Variants in LDLRAD4 observed in about 807,000 individuals in gnomAD.
LDLRAD4 encodes the protein low density lipoprotein receptor class A domain containing 4.
Under a neutral mutation model 17.0 loss-of-function variants are expected in LDLRAD4, and 5 were observed. That is an observed-to-expected ratio of 0.29 (90% confidence interval 0.15 to 0.62). LDLRAD4 has a LOEUF of 0.62. Among genes scored for constraint, LDLRAD4 ranks in the 20% least tolerant of loss-of-function variants. LDLRAD4 has a pLI of 0.84. For missense variants in LDLRAD4, 340 were observed against 424.7 expected (o/e 0.80, Z 1.75); for synonymous variants, 168 against 171.8 (o/e 0.98, Z 0.17).
intron 3 of LDLRAD4, among the ~76,000 whole-genome samples, chr18:13,447,010 G>C (rs2091452954): frequency 6.6e-6 from 1 of 152,192 alleles, no homozygotes; most frequent in South Asian, 2.1e-4. Flanking sequence ...AGCGAGGCTG[G>C]GGTGAGGGGC....
intron 1 of LDLRAD4, among the ~76,000 whole-genome samples, chr18:13,319,553 A>G (rs1039780916): frequency 2.6e-5 from 4 of 152,154 alleles, no homozygotes; most frequent in Non-Finnish European, 5.9e-5. Context: ...CTCTCTCTAA[A>G]AGTTATCACT....
At chr18:13,618,496 G>A (rs1219976652) in intron 3 of LDLRAD4, among the ~76,000 whole-genome samples, 1 of 152,194 alleles carries the variant, frequency 6.6e-6, no homozygotes, top group Non-Finnish European at 1.5e-5. Context: ...GATTTGCTTT[G>A]CTGCAAATGC....
At chr18:13,572,320 G>A (rs1417025510) in intron 3 of LDLRAD4, among the ~76,000 whole-genome samples, 1 of 152,234 alleles carries the variant, frequency 6.6e-6, no homozygotes, top group African/African-American at 2.4e-5. Context: ...CCCCTTTGCA[G>A]CCGGCTGTCC....
At chr18:13,221,895 C>T (rs141080939) in intron 1 of LDLRAD4, among the ~76,000 whole-genome samples, 3 of 152,230 alleles carry the variant, frequency 2.0e-5, no homozygotes, top group Non-Finnish European at 4.4e-5. Context: ...CGAGCTTTCC[C>T]GGACAAAAAT....
chr18:13,326,642 G>A (rs540135545), intron 1 of LDLRAD4, among the ~76,000 whole-genome samples: 19 of 152,314 alleles, frequency 1.2e-4, no homozygotes, highest in Admixed American at 1.1e-3. Flanking sequence ...GACCCCTGAG[G>A]CTTTCACTTT....
chr18:13,573,475 G>A (rs1463795438), intron 3 of LDLRAD4, among the ~76,000 whole-genome samples: 1 of 152,136 alleles, frequency 6.6e-6, no homozygotes, highest in Non-Finnish European at 1.5e-5. Context: ...CCTGGCCTCA[G>A]GTGATCTGCC....
At chr18:13,250,511 A>G (rs1025545799) in intron 1 of LDLRAD4, among the ~76,000 whole-genome samples, 1 of 152,308 alleles carries the variant, frequency 6.6e-6, no homozygotes, top group East Asian at 1.9e-4. Context: ...AAAAGAGAAA[A>G]ATACCCAAAT....
rs76819996 is a variant in LDLRAD4, at chr18:13,267,671, T to C, written c.-466-10434T>C. ...ACCCAGCTACTTCATTTGTTCATTC[T>C]CATCTTTTGCTTTTCTGGAAGGTTT... On this transcript the variant is annotated intron_variant, in intron 1 of 5. Coordinates refer to the LDLRAD4 transcript ENST00000399848. Among the ~76,000 whole-genome samples the C allele has an allele frequency of 6.9e-4, 105 of 152,370 alleles. 1 individual carries two copies. The highest frequency in any genetic ancestry group is 2.5e-3 in the African/African-American group (103 of 41,590).
Position 13,300,701 on chromosome 18 carries a change from A to T in LDLRAD4, c.-383+22513A>T, listed in dbSNP as rs780104650. Among the ~76,000 whole-genome samples the T allele has an allele frequency of 9.6e-4, 146 of 152,262 alleles. 1 individual carries two copies. Among genetic ancestry groups the T allele is most frequent in the Non-Finnish European group, 1.8e-3 (121 of 68,000 alleles). ...CCAAGAATTTCTTGGTGGCGTTCAC[A>T]CTAAGAAGTGTCAGAGTGGGCAGAG... On this transcript the variant is annotated intron_variant, in intron 1 of 5. Transcript: ENST00000359446. This position sits in a 1 kb window ranked among gnomAD's most constrained non-coding sequence, Gnocchi z 4.2.
At chr18:13,590,145 G>A (rs563650730) in intron 3 of LDLRAD4, among the ~76,000 whole-genome samples, 164 of 151,742 alleles carry the variant, frequency 1.1e-3, no homozygotes, top group Middle Eastern at 3.4e-3. Flanking sequence ...GTGGGTGTGC[G>A]TGGGTGTGGG....
Position 13,352,326 on chromosome 18 carries a change from C to T in LDLRAD4, c.-382-35015C>T, listed in dbSNP as rs117379293. ...ATAGGAATAGAGGACGTCAAATTGT[C>T]TCATTTTTAGTTCAAGTTTTGGAAC... On this transcript the variant is annotated intron_variant, in intron 1 of 5. Coordinates refer to ENST00000359446, the Ensembl canonical transcript of LDLRAD4. Among the ~76,000 whole-genome samples, 878 of 152,260 alleles carry T rather than the reference C, an allele frequency of 5.8e-3. 4 individuals carry two copies. The highest frequency in any genetic ancestry group is 0.01 in the Admixed American group (159 of 15,294).
intron 1 of LDLRAD4, among the ~76,000 whole-genome samples, chr18:13,346,182 T>C (rs1312313123): frequency 6.6e-6 from 1 of 152,256 alleles, no homozygotes; most frequent in African/African-American, 2.4e-5. Flanking sequence ...TGGGTGTCAA[T>C]TTTAGATCTT....
intron 3 of LDLRAD4, among the ~76,000 whole-genome samples, chr18:13,529,353 A>G (rs1048648663): frequency 6.6e-6 from 1 of 152,242 alleles, no homozygotes; most frequent in Admixed American, 6.5e-5. Flanking sequence ...ATGGCCTTTG[A>G]TGATACAAAT....
intron 4 of LDLRAD4, among the ~76,000 whole-genome samples, chr18:13,634,301 G>A (rs1224712216): frequency 2.0e-5 from 3 of 152,188 alleles, no homozygotes; most frequent in Non-Finnish European, 2.9e-5. Context: ...ATGACCTTAT[G>A]TGTAAAAACT....
At chr18:13,539,060 C>A (rs919725495) in intron 3 of LDLRAD4, among the ~76,000 whole-genome samples, 2 of 151,816 alleles carry the variant, frequency 1.3e-5, no homozygotes, top group African/African-American at 4.8e-5. Context: ...CCCCTCCCCT[C>A]GTTACAAAGA....
chr18:13,226,180 C>CTTTTTTTTTTTTTTTTTTTT lies in LDLRAD4; in HGVS notation c.-467+7194_-467+7213dup, dbSNP rs71174166. 3.1e-3 allele frequency among the ~76,000 whole-genome samples: 160 copies of CTTTTTTTTTTTTTTTTTTTT among 52,200 alleles called. 55 individuals carry two copies. Among genetic ancestry groups the CTTTTTTTTTTTTTTTTTTTT allele is most frequent in the African/African-American group, 5.2e-3 (67 of 12,846 alleles). The allele number at this position is 52,200 out of a possible 152,430, so 34.2% of individuals were successfully genotyped here. A position where few individuals can be genotyped will look rare whatever the true frequency, so the allele number is the denominator to read the frequency against. On this transcript the variant is annotated intron_variant, in intron 1 of 5. Transcript: ENST00000399848. Reference sequence around the variant, plus strand: ...GGACTACAGATGCTGCCATGCCTTGCTTTTTTTTTTTTTTTTTTTTTGTAG... The same window carrying CTTTTTTTTTTTTTTTTTTTT: ...GGACTACAGATGCTGCCATGCCTTGCTTTTTTTTTTTTTTTTTTTTTTTTTTTTTTTTTTTTTTTTTGTAG...
chr18:13,551,784 C>G (rs550486031), intron 3 of LDLRAD4, among the ~76,000 whole-genome samples: 1 of 152,244 alleles, frequency 6.6e-6, no homozygotes, highest in South Asian at 2.1e-4. Context: ...TCTTTTTGCA[C>G]TGCTACAAAG....
At chr18:13,418,440 T>C (rs968380877) in intron 2 of LDLRAD4, among the ~76,000 whole-genome samples, 2 of 152,240 alleles carry the variant, frequency 1.3e-5, no homozygotes, top group African/African-American at 4.8e-5. Context: ...TCCTGCCTGA[T>C]GGACCCTTAA....
intron 1 of LDLRAD4, among the ~76,000 whole-genome samples, chr18:13,363,297 A>T (rs1050517478): frequency 7.0e-6 from 1 of 143,778 alleles, no homozygotes; most frequent in Admixed American, 7.7e-5. Context: ...GCGCCACTGC[A>T]CTCCAACCTG....
Sources: allele counts gnomAD v4.1 joint callset (sites outside exome capture counted in the v4.1 genomes callset), GRCh38; gene constraint gnomAD v4.1.1; non-coding constraint Gnocchi (gnomAD v3.1); transcripts MANE v1.5; gene names NCBI Gene and HGNC (gene_info 2026-07-23, HGNC 2026-07-21).